Variants in ADAMTS5 observed in about 807,000 individuals in gnomAD.
ADAMTS5 encodes the protein ADAM metallopeptidase with thrombospondin type 1 motif 5, also known as A disintegrin and metalloproteinase with thrombospondin motifs 5.
ADAMTS5 carries 54 observed loss-of-function variants against 81.4 expected under a neutral mutation model. The ratio of observed to expected loss-of-function variants is 0.66; its 90% confidence interval spans 0.53 to 0.83. The LOEUF (loss-of-function observed/expected upper bound fraction) is 0.83. Ranked by LOEUF, ADAMTS5 falls within the 40% of genes least tolerant of loss-of-function variation. The pLI is 0.00. For synonymous variants in ADAMTS5, 532 were observed against 508.8 expected (o/e 1.05, Z -0.61); for missense variants, 1,194 against 1,229.9 (o/e 0.97, Z 0.44).
Position 26,932,845 on chromosome 21 carries a change from C to T in ADAMTS5, c.1873+16G>A, listed in dbSNP as rs1306287638. 1 of 1,592,720 alleles carries T rather than the reference C, an allele frequency of 6.3e-7. No homozygotes were observed. On this transcript the variant is annotated intron_variant, in intron 5 of 7. Coordinates refer to ENST00000284987, the MANE Select transcript of ADAMTS5 (RefSeq NM_007038.5). Reference sequence around the variant, plus strand: ...ATGTAGCATATGATGGTTGCTGACACTTGGGAGCAGCGTACCATTGGGTGG... The same window carrying T: ...ATGTAGCATATGATGGTTGCTGACATTTGGGAGCAGCGTACCATTGGGTGG...
At chr21:26,945,977 A>G (rs1229052370) in intron 2 of ADAMTS5, among the ~76,000 whole-genome samples, 1 of 152,188 alleles carries the variant, frequency 6.6e-6, no homozygotes, top group East Asian at 1.9e-4. Context: ...GGGCGAATGA[A>G]CACTCTGTGC....
chr21:26,965,511 A>G lies in ADAMTS5; in HGVS notation c.881T>C (p.Leu294Pro), dbSNP rs1156550075. 2 of 1,614,190 alleles carry G rather than the reference A, an allele frequency of 1.2e-6. No homozygotes were observed. The highest frequency in any genetic ancestry group is 1.7e-6 in the Non-Finnish European group (2 of 1,180,012). Reference sequence around the variant, plus strand: ...GTACAGCCTATTGGCGATGGAGGCCAGGGTCAGCAGGTAATGCTGCAGGCC... The same window carrying G: ...GTACAGCCTATTGGCGATGGAGGCCGGGGTCAGCAGGTAATGCTGCAGGCC... ...GRGLQHYLLTLASIANRLYSH... is the reference protein window; with the variant it reads ...GRGLQHYLLTPASIANRLYSH... The change falls in exon 1 of 8, where the codon CTG (leucine) becomes CCG (proline). Residue 294 changes from leucine to proline, a missense_variant. This residue lies in a region of ADAMTS5 where 696 missense variants were observed against 817.6 expected (regional missense o/e 0.85). Transcript: ENST00000284987.
Position 26,934,704 on chromosome 21 carries a change from T to C in ADAMTS5, c.1451A>G (p.Glu484Gly), listed in dbSNP as rs779798597. The change falls in exon 4 of 8, where the codon GAA becomes GGA. Residue 484 changes from glutamate to glycine, a missense_variant. Physicochemically the swap from Glu to Gly is moderately conservative, Grantham distance 98 (BLOSUM62 -2). This residue lies in a region of ADAMTS5 where 696 missense variants were observed against 817.6 expected (regional missense o/e 0.85). Coordinates refer to ENST00000284987, the MANE Select transcript of ADAMTS5 (RefSeq NM_007038.5). ...DLPRKQILGP[E>G]ELPGQTYDAT... ...ATCGTAGGTCTGTCCTGGGAGTTCT[T>C]CGGGGCCCAGGATCTGCTTTCGTGG... is the stretch of plus-strand genomic sequence containing the variant. 1.2e-5 allele frequency: 20 copies of C among 1,614,086 alleles called. No homozygotes were observed. Among genetic ancestry groups the C allele is most frequent in the Non-Finnish European group, 1.7e-5 (20 of 1,180,048 alleles).
chr21:26,955,844 T>G (rs1389782249), intron 1 of ADAMTS5, among the ~76,000 whole-genome samples: 5 of 152,228 alleles, frequency 3.3e-5, no homozygotes, highest in African/African-American at 1.2e-4. Context: ...AGCAAGATCG[T>G]GTTTCTAGTA....
chr21:26,924,321 G>T lies in ADAMTS5; in HGVS notation c.2525C>A (p.Pro842Gln), dbSNP rs1433926310. 6.2e-7 allele frequency: 1 copy of T among 1,614,174 alleles called. No individual in the cohort carries two copies. The highest frequency in any genetic ancestry group is 8.5e-7 in the Non-Finnish European group (1 of 1,180,022). The change falls in exon 8 of 8, where the codon CCA becomes CAA. Residue 842 changes from proline to glutamine, a missense_variant. Pro to Gln is a moderately conservative substitution (Grantham distance 76). Coordinates refer to ENST00000284987, the MANE Select transcript of ADAMTS5 (RefSeq NM_007038.5). ...AAAAAAGCTATAACGGACATCTAAT[G>T]GTTTAGTGGGGTCTGTTGCAAGAAT... ...VQILATDPTK[P>Q]LDVRYSFFVP...
chr21:26,946,116 C>A (rs1987210641), intron 2 of ADAMTS5, among the ~76,000 whole-genome samples: 1 of 152,054 alleles, frequency 6.6e-6, no homozygotes, highest in South Asian at 2.1e-4. Context: ...TAGCTGGAAC[C>A]AGGGCATGGC....
Position 26,934,467 on chromosome 21 carries a change from G to A in ADAMTS5, c.1688C>T (p.Ser563Leu), listed in dbSNP as rs751339332. ...TTGACTGATGAGAAAATCACTTACT[G>A]AATAATATTTTTTCTTGGTTTTGTC... is the stretch of plus-strand genomic sequence containing the variant. ...CVDKTKKKYY[S>L]TSSHGNWGSW... Residue 563 changes from serine (S) to leucine (L), a missense_variant and splice_region_variant, in exon 4 of 8, where the codon TCA becomes TTA. Around this residue, in one of 2 missense-constraint regions of ADAMTS5, gnomAD observed 696 missense variants for 817.6 expected, o/e 0.85. Transcript: ENST00000284987. 1 of 1,614,106 alleles carries A rather than the reference G, an allele frequency of 6.2e-7. No individual in the cohort carries two copies. The highest frequency in any genetic ancestry group is 1.1e-5 in the South Asian group (1 of 91,048).
At chr21:26,957,463 A>G (rs1987450041) in intron 1 of ADAMTS5, among the ~76,000 whole-genome samples, 1 of 152,106 alleles carries the variant, frequency 6.6e-6, no homozygotes. Flanking sequence ...ATAGATAGAT[A>G]GATAGATAGA....
chr21:26,928,250 T>A (rs763375752), intron 7 of ADAMTS5, among the ~76,000 whole-genome samples: 5 of 152,146 alleles, frequency 3.3e-5, no homozygotes, highest in Non-Finnish European at 7.3e-5. Flanking sequence ...TATTGCAGTA[T>A]GAGATCAATG....
rs542098047 is a variant in ADAMTS5, at chr21:26,929,004, T to C, written c.2225+882A>G. On this transcript the variant is annotated intron_variant, in intron 7 of 7. Transcript: ENST00000284987. ...GGTGAATAATTATTTCATTAGCAAA[T>C]AGAATTAGTAACGCATATTTTAACT... Among the ~76,000 whole-genome samples, 13 of 152,320 alleles carry C rather than the reference T, an allele frequency of 8.5e-5. No individual in the cohort carries two copies. The South Asian group carries it at 1.2e-3, about 15-fold the overall frequency.
intron 3 of ADAMTS5, among the ~76,000 whole-genome samples, chr21:26,941,345 T>C (rs1601007988): frequency 6.6e-6 from 1 of 152,002 alleles, no homozygotes; most frequent in Middle Eastern, 3.4e-3. Flanking sequence ...ATTATGTTCT[T>C]AGTTGTTCTC....
chr21:26,929,366 G>A (rs924946670), intron 7 of ADAMTS5, among the ~76,000 whole-genome samples: 1 of 152,246 alleles, frequency 6.6e-6, no homozygotes, highest in Non-Finnish European at 1.5e-5. Flanking sequence ...AGAGGAAGCA[G>A]GAGAGAGACA....
chr21:26,956,184 C>T (rs1987423612), intron 1 of ADAMTS5, among the ~76,000 whole-genome samples: 1 of 152,192 alleles, frequency 6.6e-6, no homozygotes, highest in Non-Finnish European at 1.5e-5. Context: ...ACTCTTCTAA[C>T]CCTTTGCTAT....
At chr21:26,943,637 C>T in intron 2 of ADAMTS5, 90 bp from the exon 3 acceptor site, 2 of 1,282,134 alleles carry the variant, frequency 1.6e-6, no homozygotes, top group Non-Finnish European at 1.1e-6. Flanking sequence ...GATTTTTTTC[C>T]CCTAATTGTA....
At position 26,966,926 on chromosome 21, in the gene ADAMTS5, A is replaced by C; in HGVS notation, c.-535T>G. Among the ~76,000 whole-genome samples the C allele has an allele frequency of 6.6e-6, 1 of 152,022 alleles. No individual in the cohort carries two copies. The highest frequency in any genetic ancestry group is 1.9e-4 in the East Asian group (1 of 5,148). On this transcript the variant is annotated 5_prime_UTR_variant, in exon 1 of 8. Transcript: ENST00000284987. ...TGCTGGGACCAGGAGGAAGGGAAGAAAGAGAGGGGAAAAAGCCGTAAAAAT... is the reference window on the plus strand; with the variant it reads ...TGCTGGGACCAGGAGGAAGGGAAGACAGAGAGGGGAAAAAGCCGTAAAAAT...
intron 7 of ADAMTS5, among the ~76,000 whole-genome samples, chr21:26,925,820 G>C (rs577159675): frequency 1.3e-5 from 2 of 152,202 alleles, no homozygotes; most frequent in Non-Finnish European, 2.9e-5. Flanking sequence ...AGGGCAATCT[G>C]TTCTACAGTG....
chr21:26,934,963 C>T (rs535338357), intron 3 of ADAMTS5, among the ~76,000 whole-genome samples: 6 of 152,124 alleles, frequency 3.9e-5, no homozygotes, highest in South Asian at 2.1e-4. Context: ...TGATGCGCTC[C>T]GGAGTGTCTG....
chr21:26,958,617 C>A (rs181586488), intron 1 of ADAMTS5, among the ~76,000 whole-genome samples: 144 of 152,306 alleles, frequency 9.5e-4, no homozygotes, highest in African/African-American at 3.2e-3. Context: ...GGATTAGGGT[C>A]CCAGAGATCC....
intron 1 of ADAMTS5, 67 bp from the exon 2 acceptor site, chr21:26,954,938 C>T: frequency 6.3e-7 from 1 of 1,578,518 alleles, no homozygotes. Context: ...CACATAGAGC[C>T]ACTTGCTTAC....
Sources: allele counts gnomAD v4.1 joint callset (sites outside exome capture counted in the v4.1 genomes callset), GRCh38; gene constraint gnomAD v4.1.1; regional missense constraint gnomAD v4.1.1; transcripts MANE v1.5; gene names NCBI Gene and HGNC (gene_info 2026-07-23, HGNC 2026-07-21).